CYFIP2: variants seen among roughly 807,000 people sequenced by gnomAD.
The protein encoded by CYFIP2 is cytoplasmic FMR1-interacting protein 2.
In CYFIP2, 29 loss-of-function variants were observed where a neutral mutation model predicts 158.7. The observed-to-expected ratio is 0.18, with a 90% CI of 0.14 to 0.25. The LOEUF is 0.25. Among genes scored for constraint, CYFIP2 ranks in the 10% least tolerant of loss-of-function variants. The pLI is 1.00. For missense variants in CYFIP2, 852 were observed against 1,639.5 expected (o/e 0.52, Z 8.29); for synonymous variants, 585 against 617.6 (o/e 0.95, Z 0.78).
chr5:157,269,724 G>A (rs188054066), intron 1 of CYFIP2: 1 of 152,370 alleles, frequency 6.6e-6, no homozygotes, highest in East Asian at 1.9e-4. Context: ...GTCACTTTAA[G>A]AAGATGGATC....
intron 23 of CYFIP2, among the ~76,000 whole-genome samples, chr5:157,346,453 G>A (rs766773752): frequency 3.9e-5 from 6 of 152,122 alleles, no homozygotes; most frequent in Non-Finnish European, 7.3e-5. Flanking sequence ...CTTTGTAAGA[G>A]AAAAGACAGA....
intron 26 of CYFIP2, among the ~76,000 whole-genome samples, chr5:157,366,388 A>AT (rs1764374262): frequency 6.6e-6 from 1 of 151,954 alleles, no homozygotes; most frequent in Admixed American, 6.6e-5. Flanking sequence ...TAGTGTAGTT[A>AT]TTTTTTTCCC....
At position 157,304,409 on chromosome 5, in the gene CYFIP2, C is replaced by T. The variant is rs761769864; in HGVS notation, c.795+43C>T. On this transcript the variant is annotated intron_variant, in intron 8 of 30. Transcript: ENST00000620254. ...CCGCACCCATGGAGCCTGGGCTTAC[C>T]CTCTCACCTTCTTCTTATTAAAAAT... 10 of 1,561,238 alleles carry T rather than the reference C, an allele frequency of 6.4e-6. No individual in the cohort carries two copies. In the South Asian group the frequency reaches 1.2e-4, roughly 18 times the overall value.
Position 157,322,764 on chromosome 5 carries a change from G to A in CYFIP2, c.1672-1157G>A, listed in dbSNP as rs17054474. Among the ~76,000 whole-genome samples, 1,008 of 152,356 alleles carry A rather than the reference G, an allele frequency of 6.6e-3. 14 individuals are homozygous for A. Among genetic ancestry groups the A allele is most frequent in the African/African-American group, 0.023 (946 of 41,574 alleles). ...GGGAAGCTCCAGAGGCAGCGAAGAC[G>A]AACGCGGTTGCTGGGAGGTTGGAGT... On this transcript the variant is annotated intron_variant, in intron 15 of 30. Coordinates refer to ENST00000620254, the MANE Select transcript of CYFIP2 (RefSeq NM_001037333.3).
In CYFIP2 at chr5:157,324,068, A is replaced by T; in HGVS notation, c.1819A>T (p.Ile607Phe). The change falls in exon 16 of 31, where the codon ATC becomes TTC. Residue 607 changes from isoleucine (I) to phenylalanine (F), a missense_variant. Coordinates refer to ENST00000620254, the MANE Select transcript of CYFIP2 (RefSeq NM_001037333.3). ...CTTCTTCTTCACACATCTGCTCAAC[A>T]TCAGTGGTGAGCTGCATCCCATCCC... is the stretch of plus-strand genomic sequence containing the variant. ...QSFFFTHLLNISEALQQCCDL... is the reference protein window; with the variant it reads ...QSFFFTHLLNFSEALQQCCDL... 6.2e-7 allele frequency: 1 copy of T among 1,612,046 alleles called. No homozygotes were observed. The highest frequency in any genetic ancestry group is 8.5e-7 in the Non-Finnish European group (1 of 1,179,062).
At chr5:157,384,939 CAAAA>C (rs34749971) in intron 28 of CYFIP2, 6 of 63,884 alleles carry the variant, frequency 9.4e-5, no homozygotes, top group African/African-American at 1.9e-4. Flanking sequence ...GACTCCATCT[CAAAA>C]AAAAAAAAAA....
Position 157,279,548 on chromosome 5 carries a change from T to TG in CYFIP2, c.-23-5784dup, listed in dbSNP as rs896288326. On this transcript the variant is annotated intron_variant, in intron 1 of 30. Coordinates refer to ENST00000620254, the MANE Select transcript of CYFIP2 (RefSeq NM_001037333.3). The stretch of plus-strand genomic sequence containing the variant: ...TTGGGGTCTGTCAGTCATGTCTGCC[T>TG]GGGGGGGCACCTAAAGCCCCCCCTT... Among the ~76,000 whole-genome samples, 83 of 152,092 alleles carry TG rather than the reference T, an allele frequency of 5.5e-4. 1 individual carries two copies. The highest frequency in any genetic ancestry group is 1.8e-3 in the African/African-American group (76 of 41,386).
intron 21 of CYFIP2, among the ~76,000 whole-genome samples, chr5:157,338,274 T>G (rs1761999759): frequency 6.6e-6 from 1 of 152,258 alleles, no homozygotes; most frequent in Non-Finnish European, 1.5e-5. Context: ...CCGGTCATCA[T>G]GAGCTGACTG....
At chr5:157,343,219 C>G in intron 23 of CYFIP2, 1 of 1,614,184 alleles carries the variant, frequency 6.2e-7, no homozygotes, top group Non-Finnish European at 8.5e-7. Flanking sequence ...GGGGGTCTAC[C>G]AGGGAGCTTC....
intron 19 of CYFIP2, 46 bp downstream of exon 19, chr5:157,328,095 AC>A (rs1367210054): frequency 1.3e-6 from 2 of 1,550,740 alleles, no homozygotes; most frequent in Non-Finnish European, 1.8e-6. Context: ...TAAGACTGCC[AC>A]CTAGAAGACA....
intron 2 of CYFIP2, among the ~76,000 whole-genome samples, 193 bp from the exon 3 acceptor site, chr5:157,286,826 G>A (rs1757434079): frequency 6.6e-6 from 1 of 152,160 alleles, no homozygotes; most frequent in African/African-American, 2.4e-5. Flanking sequence ...GGCAGACCCT[G>A]TCATCACCAG....
At chr5:157,338,543 T>C (rs1247499149) in intron 21 of CYFIP2, among the ~76,000 whole-genome samples, 1 of 152,264 alleles carries the variant, frequency 6.6e-6, no homozygotes, top group African/African-American at 2.4e-5. Context: ...ACTGACCTCA[T>C]AGGGTTTGAT....
intron 1 of CYFIP2, among the ~76,000 whole-genome samples, chr5:157,283,714 G>C (rs1215424277): frequency 6.6e-6 from 1 of 152,156 alleles, no homozygotes; most frequent in East Asian, 1.9e-4. Flanking sequence ...CTGCACAGCA[G>C]CCAGTGAAGG....
chr5:157,347,294 T>C (rs1387090774), intron 23 of CYFIP2, among the ~76,000 whole-genome samples: 1 of 138,612 alleles, frequency 7.2e-6, no homozygotes, highest in African/African-American at 3.0e-5. Context: ...ATAGAAAGAC[T>C]TTTTCCCTTG....
At chr5:157,354,216 C>T (rs1763263149) in intron 23 of CYFIP2, among the ~76,000 whole-genome samples, 1 of 152,076 alleles carries the variant, frequency 6.6e-6, no homozygotes, top group South Asian at 2.1e-4. Context: ...CTTGAGATCT[C>T]ATAAAGCTAT....
At chr5:157,346,613 G>A (rs1365013857) in intron 23 of CYFIP2, among the ~76,000 whole-genome samples, 1 of 152,166 alleles carries the variant, frequency 6.6e-6, no homozygotes, top group Non-Finnish European at 1.5e-5. Context: ...TTCTGCGAGA[G>A]CCTTGATTTC....
chr5:157,392,117 TGTTGA>T (rs1410256161), intron 30 of CYFIP2, among the ~76,000 whole-genome samples: 1 of 152,218 alleles, frequency 6.6e-6, no homozygotes, highest in African/African-American at 2.4e-5. Context: ...GAGTCATTTT[TGTTGA>T]GTTGAAGTTC....
chr5:157,283,870 A>G (rs943837864), intron 1 of CYFIP2, among the ~76,000 whole-genome samples: 30 of 152,136 alleles, frequency 2.0e-4, no homozygotes, highest in African/African-American at 6.5e-4. Flanking sequence ...TTCCCCCCTA[A>G]TGTTAGACAC....
At chr5:157,278,231 TTG>T (rs1326737478) in intron 1 of CYFIP2, among the ~76,000 whole-genome samples, 5 of 151,972 alleles carry the variant, frequency 3.3e-5, no homozygotes, top group Admixed American at 3.3e-4. Flanking sequence ...TGCAGTATGT[TTG>T]TGTGTGTGTA....
Sources: gnomAD v4.1 joint callset for allele counts (sites outside exome capture counted in the v4.1 genomes callset) on GRCh38, gnomAD v4.1.1 for gene constraint, MANE v1.5 for transcripts, NCBI Gene and HGNC (gene_info 2026-07-23, HGNC 2026-07-21) for gene names.